CSMD1: variants seen among roughly 807,000 people sequenced by gnomAD.
CSMD1 encodes CUB and sushi domain-containing protein 1.
In CSMD1, 213 loss-of-function variants were observed where a neutral mutation model predicts 417.5. That is an observed-to-expected ratio of 0.51 (90% CI 0.46 to 0.57). The LOEUF (loss-of-function observed/expected upper bound fraction) is 0.57, where lower values mean the gene tolerates loss of function less well. CSMD1 is among the 20% of genes least tolerant of loss of function. CSMD1 has a pLI of 0.00. For synonymous variants in CSMD1, 2,862 were observed against 1,736.8 expected (o/e 1.65, Z -16.11); for missense variants, 6,923 against 4,529.7 (o/e 1.53, Z -15.17).
At chr8:4,382,971 G>A (rs1243736859) in intron 3 of CSMD1, among the ~76,000 whole-genome samples, 1 of 152,200 alleles carries the variant, frequency 6.6e-6, no homozygotes, top group South Asian at 2.1e-4. Context: ...GGATGACAAA[G>A]AACTGAGAGG....
intron 5 of CSMD1, among the ~76,000 whole-genome samples, chr8:3,756,450 A>G (rs1476028287): frequency 6.6e-6 from 1 of 152,200 alleles, no homozygotes; most frequent in Non-Finnish European, 1.5e-5. Flanking sequence ...AAATTCAAAC[A>G]TAGAAAATTT....
At chr8:3,636,370 G>A (rs1236756698) in intron 7 of CSMD1, among the ~76,000 whole-genome samples, 1 of 152,118 alleles carries the variant, frequency 6.6e-6, no homozygotes, top group East Asian at 1.9e-4. Context: ...TAGAGATGAG[G>A]GTTCTCCATG....
chr8:2,985,352 T>C (rs7819100), intron 54 of CSMD1, among the ~76,000 whole-genome samples: 8 of 136,540 alleles, frequency 5.9e-5, no homozygotes, highest in African/African-American at 1.3e-4. Context: ...TGCTACACTG[T>C]TTCACCACGT....
At chr8:3,860,812 T>A (rs1334669978) in intron 5 of CSMD1, among the ~76,000 whole-genome samples, 1 of 152,162 alleles carries the variant, frequency 6.6e-6, no homozygotes, top group Non-Finnish European at 1.5e-5. Context: ...TAACCATAGT[T>A]TTCTGGTGAA....
At chr8:4,577,540 G>C (rs891299938) in intron 2 of CSMD1, among the ~76,000 whole-genome samples, 1 of 152,136 alleles carries the variant, frequency 6.6e-6, no homozygotes, top group Non-Finnish European at 1.5e-5. Context: ...GCTCCAGTGT[G>C]GCCCACGGCA....
chr8:3,240,310 C>T (rs1485773018), intron 26 of CSMD1, among the ~76,000 whole-genome samples: 2 of 151,986 alleles, frequency 1.3e-5, no homozygotes, highest in Non-Finnish European at 2.9e-5. Context: ...GGGGAAAGGA[C>T]TTAGGATCTA....
rs985763752 is a variant in CSMD1, at chr8:4,645,888, C to G, written c.86-8330G>C. Among the ~76,000 whole-genome samples, 3 of 152,208 alleles carry G rather than the reference C, an allele frequency of 2.0e-5. No individual in the cohort carries two copies. In the East Asian group the frequency reaches 5.8e-4, roughly 29 times the overall value. On this transcript the variant is annotated intron_variant, in intron 1 of 69. Transcript: ENST00000635120. ...TGCTCCTCCGCTCACTGTACTTAAA[C>G]ATTGTACTTAAAATATGAGGATTTC...
intron 51 of CSMD1, among the ~76,000 whole-genome samples, chr8:3,020,041 G>A (rs1054496163): frequency 6.6e-6 from 1 of 152,210 alleles, no homozygotes; most frequent in African/African-American, 2.4e-5. Context: ...AACCACAAGA[G>A]GCAGTAAAGC....
At chr8:3,183,839 T>C (rs1821587030) in intron 36 of CSMD1, among the ~76,000 whole-genome samples, 1 of 152,222 alleles carries the variant, frequency 6.6e-6, no homozygotes, top group African/African-American at 2.4e-5. Flanking sequence ...ATTATTTCAC[T>C]TAATTCATAT....
At chr8:3,617,845 T>C (rs1563203390) in intron 7 of CSMD1, among the ~76,000 whole-genome samples, 1 of 152,202 alleles carries the variant, frequency 6.6e-6, no homozygotes, top group Non-Finnish European at 1.5e-5. Context: ...GCTGATTCTA[T>C]TATTTGTAGC....
chr8:4,679,320 C>T (rs1266489069), intron 1 of CSMD1, among the ~76,000 whole-genome samples: 1 of 152,156 alleles, frequency 6.6e-6, no homozygotes, highest in Non-Finnish European at 1.5e-5. Context: ...AAGTTGACAC[C>T]TTCTGCCCAT....
Position 3,605,302 on chromosome 8 carries a change from T to C in CSMD1, c.1097+11408A>G, listed in dbSNP as rs559363274. 5.6e-4 allele frequency among the ~76,000 whole-genome samples: 85 copies of C among 152,346 alleles called. 2 individuals carry two copies. The highest frequency in any genetic ancestry group is 3.3e-4 in the Admixed American group (5 of 15,310). On this transcript the variant is annotated intron_variant, in intron 8 of 69. Transcript: ENST00000635120. ...ATCGCGCCCAGATGAAAGCAATTCT[T>C]ACTGAAAAGAACACCACATTTACTC...
intron 10 of CSMD1, among the ~76,000 whole-genome samples, chr8:3,506,931 G>C (rs1041478835): frequency 6.6e-6 from 1 of 152,096 alleles, no homozygotes; most frequent in African/African-American, 2.4e-5. Flanking sequence ...CTTAATAAAT[G>C]TGTTGATGTT....
Position 4,431,608 on chromosome 8 carries a change from C to G in CSMD1, c.303-11543G>C, listed in dbSNP as rs1296720859. On this transcript the variant is annotated intron_variant, in intron 2 of 69. Transcript: ENST00000635120. The stretch of plus-strand genomic sequence containing the variant: ...GAGGCTACCTCTTTGTGGCAAAAAC[C>G]AAAACCAAAACGAAAAACAGACAAA... 3.9e-5 allele frequency among the ~76,000 whole-genome samples: 6 copies of G among 152,000 alleles called. No homozygotes were observed. In the East Asian group the frequency reaches 1.2e-3, roughly 29 times the overall value.
chr8:4,544,916 T>C (rs17344197), intron 2 of CSMD1, among the ~76,000 whole-genome samples: 7 of 152,098 alleles, frequency 4.6e-5, no homozygotes, highest in Admixed American at 2.0e-4. Context: ...TCCACTTACA[T>C]TGAAATTCAG....
chr8:3,252,642 G>C (rs1800355264), intron 26 of CSMD1, among the ~76,000 whole-genome samples: 1 of 152,150 alleles, frequency 6.6e-6, no homozygotes, highest in Admixed American at 6.6e-5. Context: ...AATGGTAGCA[G>C]TTCCTCCTTA....
At position 3,926,044 on chromosome 8, in the gene CSMD1, A is replaced by AC. The variant is rs1563218030; in HGVS notation, c.818+71858_818+71859insG. Among the ~76,000 whole-genome samples, 75 of 35,660 alleles carry AC rather than the reference A, an allele frequency of 2.1e-3. 1 individual carries two copies. Among genetic ancestry groups the AC allele is most frequent in the African/African-American group, 7.2e-3 (69 of 9,554 alleles). The allele number at this position is 35,660 out of a possible 152,430, so 23.4% of individuals were successfully genotyped here. On this transcript the variant is annotated intron_variant, in intron 5 of 69. Coordinates refer to ENST00000635120, the MANE Select transcript of CSMD1 (RefSeq NM_033225.6). ...ACACACACACACACACACACACACA[A>AC]ACACCATATACACACACACACACAC... is the stretch of plus-strand genomic sequence containing the variant.
chr8:3,431,786 T>A (rs1585155436), intron 12 of CSMD1, among the ~76,000 whole-genome samples: 1 of 152,344 alleles, frequency 6.6e-6, no homozygotes, highest in East Asian at 1.9e-4. Context: ...AATTTGCTCC[T>A]ATTTATTCAT....
chr8:4,279,005 G>T (rs1037611508), intron 3 of CSMD1, among the ~76,000 whole-genome samples: 4 of 152,110 alleles, frequency 2.6e-5, no homozygotes, highest in Non-Finnish European at 5.9e-5. Flanking sequence ...ACTATTTACT[G>T]ACAGTTGTTA....
Sources: allele counts gnomAD v4.1 joint callset (sites outside exome capture counted in the v4.1 genomes callset), GRCh38; gene constraint gnomAD v4.1.1; transcripts MANE v1.5; gene names NCBI Gene and HGNC (gene_info 2026-07-23, HGNC 2026-07-21).